Variants in ZSCAN18 observed in about 807,000 individuals in gnomAD.
The protein encoded by ZSCAN18 is zinc finger and SCAN domain containing 18.
Under a neutral mutation model 31.1 loss-of-function variants are expected in ZSCAN18, and 16 were observed. The ratio of observed to expected loss-of-function variants is 0.51; its 90% CI spans 0.35 to 0.78. The LOEUF (loss-of-function observed/expected upper bound fraction) is 0.78, where lower values mean the gene tolerates loss of function less well. ZSCAN18 is among the 30% of genes least tolerant of loss of function. ZSCAN18 has a pLI of 0.01. For synonymous variants in ZSCAN18, 375 were observed against 320.7 expected, an observed-to-expected ratio of 1.17 and a Z score of -1.81; for missense variants, 731 against 697.4, an observed-to-expected ratio of 1.05 and a Z score of -0.54.
rs897247051 is a variant in ZSCAN18, at chr19:58,098,161, G to A, written c.-120+13C>T. The A allele has an allele frequency of 6.5e-5, 64 of 985,406 alleles. No homozygotes were observed. Among genetic ancestry groups the A allele is most frequent in the Non-Finnish European group, 7.5e-5 (62 of 830,064 alleles). 61.0% of individuals were successfully genotyped at this position (985,406 alleles called of 1,614,324 possible). A position where few individuals can be genotyped will look rare whatever the true frequency, so the allele number is the denominator to read the frequency against. On this transcript the variant is annotated intron_variant, in intron 1 of 6. Transcript: ENST00000601144. ...TCTCTGACCCCCGCGCTGCATCCCC[G>A]GGACCGACCCACCTGCTGCGCAGCT...
At chr19:58,106,025 T>C (rs1245424743) in intron 1 of ZSCAN18, among the ~76,000 whole-genome samples, 1 of 152,112 alleles carries the variant, frequency 6.6e-6, no homozygotes, top group African/African-American at 2.4e-5. Context: ...ATAGCTGCCA[T>C]AGATAGTAAT....
chr19:58,085,664 T>C, intron 6 of ZSCAN18: 1 of 479,332 alleles, frequency 2.1e-6, no homozygotes. Context: ...ACCGCGCCTT[T>C]GGAGGTCTCC....
At chr19:58,106,802 C>G (rs1489584111) in intron 1 of ZSCAN18, among the ~76,000 whole-genome samples, 1 of 151,624 alleles carries the variant, frequency 6.6e-6, no homozygotes, top group African/African-American at 2.4e-5. Flanking sequence ...CTTCTGTTTC[C>G]CAGGCTGCAG....
At chr19:58,094,947 CATGGGAGGCTAAT>C (rs769667453) in intron 1 of ZSCAN18, among the ~76,000 whole-genome samples, 2 of 145,222 alleles carry the variant, frequency 1.4e-5, no homozygotes. Context: ...GTCCCAGCTA[CATGGGAGGCTAAT>C]GTGGGAGGAC....
chr19:58,095,720 G>GA (rs2074507801), intron 1 of ZSCAN18, among the ~76,000 whole-genome samples: 1 of 152,172 alleles, frequency 6.6e-6, no homozygotes, highest in Non-Finnish European at 1.5e-5. Context: ...GACAGTGGGG[G>GA]ACACATGTCA....
chr19:58,117,756 T>G (rs1414194012), intron 1 of ZSCAN18, among the ~76,000 whole-genome samples: 104 of 116,306 alleles, frequency 8.9e-4, no homozygotes, highest in Non-Finnish European at 1.3e-3. Context: ...AGGCTGAGGT[T>G]AAGGGACAGG....
Position 58,090,836 on chromosome 19 carries a change from C to A in ZSCAN18, c.-119-450G>T, listed in dbSNP as rs1483248800. 2.0e-5 allele frequency among the ~76,000 whole-genome samples: 3 copies of A among 151,578 alleles called. No homozygotes were observed. The highest frequency in any genetic ancestry group is 2.0e-4 in the Admixed American group (3 of 15,198). On this transcript the variant is annotated intron_variant, in intron 1 of 6. Transcript: ENST00000601144. This position sits in a 1 kb window ranked among gnomAD's most constrained non-coding sequence, Gnocchi z 4.7. The stretch of plus-strand genomic sequence containing the variant: ...AACTCCTGACCTCAAATGGTCCACC[C>A]GCCTCAGCCTCCCAAAGTGCTGGGA...
upstream of ZSCAN18, among the ~76,000 whole-genome samples, chr19:58,101,708 C>T (rs375871822): frequency 3.3e-5 from 5 of 151,588 alleles, no homozygotes; most frequent in East Asian, 2.0e-4. Flanking sequence ...TTAGTAGAGA[C>T]GGGGTTTCAC....
At chr19:58,104,391 ACAAAAC>A (rs2074617838) in intron 1 of ZSCAN18, among the ~76,000 whole-genome samples, 1 of 138,436 alleles carries the variant, frequency 7.2e-6, no homozygotes, top group African/African-American at 3.3e-5. Context: ...ACAAAACAAA[ACAAAAC>A]AAAACAAAAA....
At chr19:58,104,402 CAAAAA>C (rs35400103) in intron 1 of ZSCAN18, among the ~76,000 whole-genome samples, 23 of 129,942 alleles carry the variant, frequency 1.8e-4, no homozygotes, top group Non-Finnish European at 2.6e-4. Flanking sequence ...CAAAACAAAA[CAAAAA>C]AAAAGTCTGG....
At chr19:58,111,064 A>G (rs1440882556) in intron 1 of ZSCAN18, among the ~76,000 whole-genome samples, 4 of 152,016 alleles carry the variant, frequency 2.6e-5, no homozygotes. Flanking sequence ...GCTACTCGGG[A>G]GGCTGAGGCA....
At chr19:58,098,407 A>AT (rs917206516), upstream of ZSCAN18, 10 of 983,938 alleles carry the variant, frequency 1.0e-5, no homozygotes, top group African/African-American at 5.2e-5. Flanking sequence ...CGCCTGCGTC[A>AT]TTTTGGGCAC....
rs1447227540 is a variant in ZSCAN18, at chr19:58,084,705, G to A, written c.1513C>T (p.Pro505Ser). The A allele has an allele frequency of 1.3e-6, 2 of 1,503,456 alleles. No individual in the cohort carries two copies. Among genetic ancestry groups the A allele is most frequent in the Admixed American group, 2.2e-5 (1 of 44,872 alleles). The allele number at this position is 1,503,456 out of a possible 1,614,324, so 93.1% of individuals were successfully genotyped here. ...GCGGCTCACCTCTGCGCCTCTGGGG[G>A]TGCGGGGGGAGCCTCGCCCTCCACG... ...ESVEGEAPPA[P>S]PEAQR Residue 505 changes from proline to serine, a missense_variant, in exon 7 of 7, where the codon CCC becomes TCC. Transcript: ENST00000601144. This position sits in a 1 kb window ranked among gnomAD's most constrained non-coding sequence, Gnocchi z 4.5.
At chr19:58,105,630 C>T (rs2074628699) in intron 1 of ZSCAN18, among the ~76,000 whole-genome samples, 1 of 150,282 alleles carries the variant, frequency 6.7e-6, no homozygotes. Context: ...CACTGCACTC[C>T]AGCCTGGGCA....
intron 1 of ZSCAN18, among the ~76,000 whole-genome samples, chr19:58,097,624 C>T (rs924839055): frequency 1.9e-4 from 29 of 151,896 alleles, no homozygotes; most frequent in Non-Finnish European, 3.8e-4. Flanking sequence ...GGGGCCACAG[C>T]CTGCCCAGCG....
At chr19:58,092,271 A>G (rs1276268026) in intron 1 of ZSCAN18, among the ~76,000 whole-genome samples, 1 of 152,092 alleles carries the variant, frequency 6.6e-6, no homozygotes, top group Non-Finnish European at 1.5e-5. Context: ...TGTTTAAAAA[A>G]CAAAACAAAA....
chr19:58,091,069 A>C (rs946396554), intron 1 of ZSCAN18, among the ~76,000 whole-genome samples: 7 of 150,576 alleles, frequency 4.6e-5, no homozygotes, highest in African/African-American at 1.7e-4. Context: ...CAGGAGTTTG[A>C]GACCAGCCTG....
At chr19:58,107,804 G>A in intron 1 of ZSCAN18, 1 of 994,826 alleles carries the variant, frequency 1.0e-6, no homozygotes, top group Non-Finnish European at 1.2e-6. Flanking sequence ...CGAGAGCACA[G>A]ATACTTGGGA....
At chr19:58,098,354 A>C, upstream of ZSCAN18, 1 of 985,502 alleles carries the variant, frequency 1.0e-6, no homozygotes, top group Non-Finnish European at 1.2e-6. Flanking sequence ...GCGCATGGCC[A>C]ATCAGACGCG....
Sources: allele counts gnomAD v4.1 joint callset (sites outside exome capture counted in the v4.1 genomes callset), GRCh38; gene constraint gnomAD v4.1.1; non-coding constraint Gnocchi (gnomAD v3.1); transcripts MANE v1.5; gene names NCBI Gene and HGNC (gene_info 2026-07-23, HGNC 2026-07-21).